Variants in SH2D3C observed in about 807,000 individuals in gnomAD.
SH2D3C encodes the protein SH2 domain containing 3C.
A neutral mutation model predicts 75.2 loss-of-function variants in SH2D3C; 25 were observed. The observed-to-expected ratio is 0.33, with a 90% CI of 0.24 to 0.46. The LOEUF is 0.46. SH2D3C is among the 20% of genes least tolerant of loss of function. The pLI, the probability that SH2D3C is intolerant of heterozygous loss-of-function variation, is 1.00. For missense variants in SH2D3C, 933 were observed against 1,165.3 expected, an observed-to-expected ratio of 0.80 and a Z score of 2.90; for synonymous variants, 450 against 473.7, an observed-to-expected ratio of 0.95 and a Z score of 0.65.
At chr9:127,742,741 C>G in intron 8 of SH2D3C, 108 bp downstream of exon 8, 2 of 730,580 alleles carry the variant, frequency 2.7e-6, no homozygotes, top group South Asian at 1.8e-5. Flanking sequence ...GTGGCCAGAG[C>G]CCCCTGGGAG....
chr9:127,776,436 T>C (rs1845811135), intron 1 of SH2D3C, among the ~76,000 whole-genome samples: 1 of 151,936 alleles, frequency 6.6e-6, no homozygotes, highest in African/African-American at 2.4e-5. Context: ...CTCCTTCCTG[T>C]CAGCTGAGCC....
rs1845146755 is a variant in SH2D3C, at chr9:127,749,848, G to A, written c.685-183C>T. Reference sequence around the variant, plus strand: ...GGATGCAATGACCCAGGTTCACAGGGGGCACCTCAGCCAGAGGCCCTGAGT... The same window carrying A: ...GGATGCAATGACCCAGGTTCACAGGAGGCACCTCAGCCAGAGGCCCTGAGT... On this transcript the variant is annotated intron_variant, in intron 4 of 11. Coordinates refer to ENST00000314830, the MANE Select transcript of SH2D3C (RefSeq NM_170600.3). The surrounding 1 kb of genome is among the most constrained non-coding windows in gnomAD (Gnocchi z 5.9). 6.6e-6 allele frequency among the ~76,000 whole-genome samples: 1 copy of A among 152,094 alleles called. No homozygotes were observed. The highest frequency in any genetic ancestry group is 1.5e-5 in the Non-Finnish European group (1 of 68,020).
At chr9:127,775,975 C>T (rs1216097794) in intron 1 of SH2D3C, among the ~76,000 whole-genome samples, 8 of 151,910 alleles carry the variant, frequency 5.3e-5, no homozygotes, top group South Asian at 2.1e-4. Context: ...ATTACAGGCA[C>T]GTGCCACCAC....
chr9:127,768,257 T>C (rs577156318), intron 2 of SH2D3C, among the ~76,000 whole-genome samples: 9 of 151,638 alleles, frequency 5.9e-5, no homozygotes, highest in Middle Eastern at 3.4e-3. Context: ...CTGGGGAGAG[T>C]TGGGAATTCT....
intron 2 of SH2D3C, 33 bp from the exon 3 acceptor site, chr9:127,761,683 G>T (rs926052787): frequency 4.4e-6 from 7 of 1,592,952 alleles, no homozygotes; most frequent in Non-Finnish European, 6.0e-6. Flanking sequence ...AGCATCCCCA[G>T]CCCTGCTTGG....
At chr9:127,740,462 GT>G in intron 9 of SH2D3C, 93 bp from the exon 10 acceptor site, 1 of 794,750 alleles carries the variant, frequency 1.3e-6, no homozygotes, top group Non-Finnish European at 2.1e-6. Flanking sequence ...ATGTGGGATC[GT>G]TATTATTATT....
At chr9:127,753,058 G>A (rs1845245992) in intron 3 of SH2D3C, among the ~76,000 whole-genome samples, 1 of 152,056 alleles carries the variant, frequency 6.6e-6, no homozygotes, top group African/African-American at 2.4e-5. Flanking sequence ...GGGAGGGAGG[G>A]GAGATGAATA....
rs141440639 is a variant in SH2D3C, at chr9:127,739,600, G to A, written c.2407+82C>T. ...GAGGAGTGGAGAAATGTGAATGGAT[G>A]CCTTGGAGAAAAGGGAAGCAGTGAG... On this transcript the variant is annotated intron_variant, in intron 11 of 11. Coordinates refer to ENST00000314830, the MANE Select transcript of SH2D3C (RefSeq NM_170600.3). This position sits in a 1 kb window ranked among gnomAD's most constrained non-coding sequence, Gnocchi z 4.3. 358 of 1,248,212 alleles carry A rather than the reference G, an allele frequency of 2.9e-4. 5 individuals are homozygous for A. The highest frequency in any genetic ancestry group is 2.8e-3 in the South Asian group (206 of 72,312). The allele number at this position is 1,248,212 out of a possible 1,614,324, so 77.3% of individuals were successfully genotyped here. A position where few individuals can be genotyped will look rare whatever the true frequency, so the allele number is the denominator to read the frequency against.
At position 127,742,887 on chromosome 9, in the gene SH2D3C, G is replaced by T. The variant is rs1288614416; in HGVS notation, c.1878C>A (p.Leu626=). 2 of 1,613,818 alleles carry T rather than the reference G, an allele frequency of 1.2e-6. No individual in the cohort carries two copies. The change falls in exon 8 of 12, where the codon CTC becomes CTA. Residue 626 remains leucine, a synonymous_variant. Transcript: ENST00000314830. Reference sequence around the variant, plus strand: ...CTAGGCGTAGCTGCCGGCCATGGGGGAGGGTGAGCAGTTCCATGCCCCAGC... The same window carrying T: ...CTAGGCGTAGCTGCCGGCCATGGGGTAGGGTGAGCAGTTCCATGCCCCAGC... The part of the protein sequence containing the change: ...GVRWGMELLT[L]PHGRQLRLDL...
At chr9:127,757,810 C>T (rs969663428) in intron 3 of SH2D3C, among the ~76,000 whole-genome samples, 2 of 151,956 alleles carry the variant, frequency 1.3e-5, no homozygotes, top group Non-Finnish European at 2.9e-5. Context: ...TGTGCCACCA[C>T]GCCTGGATAA....
chr9:127,761,987 A>T (rs1324476279), intron 2 of SH2D3C: 1 of 294,732 alleles, frequency 3.4e-6, no homozygotes, highest in Non-Finnish European at 6.4e-6. Flanking sequence ...TCTTCACTGG[A>T]CTCCAGACAC....
At chr9:127,767,723 A>G (rs1166898609) in intron 2 of SH2D3C, among the ~76,000 whole-genome samples, 1 of 152,188 alleles carries the variant, frequency 6.6e-6, no homozygotes, top group Non-Finnish European at 1.5e-5. Flanking sequence ...TGCTTGGGCC[A>G]AGCCCAGAAT....
At chr9:127,757,936 C>T (rs1845437158) in intron 3 of SH2D3C, among the ~76,000 whole-genome samples, 1 of 151,922 alleles carries the variant, frequency 6.6e-6, no homozygotes. Context: ...GCTGAGATTA[C>T]AGGCGTGAGC....
chr9:127,754,327 C>T lies in SH2D3C; in HGVS notation c.556-3027G>A, dbSNP rs1845293751. ...GACGCGCCTGGCATCTCCCAGGGGG[C>T]TCAGGGGGCAGGAGCGCGGAGACCC... On this transcript the variant is annotated intron_variant, in intron 3 of 11. Coordinates refer to ENST00000314830, the MANE Select transcript of SH2D3C (RefSeq NM_170600.3). The surrounding 1 kb of genome is among the most constrained non-coding windows in gnomAD (Gnocchi z 4.4). Among the ~76,000 whole-genome samples the T allele has an allele frequency of 6.6e-6, 1 of 152,130 alleles. No individual in the cohort carries two copies. Among genetic ancestry groups the T allele is most frequent in the Non-Finnish European group, 1.5e-5 (1 of 67,964 alleles).
intron 4 of SH2D3C, among the ~76,000 whole-genome samples, chr9:127,750,634 T>A (rs550113668): frequency 7.9e-5 from 12 of 152,234 alleles, no homozygotes; most frequent in Non-Finnish European, 1.3e-4. Flanking sequence ...AGCCACCACC[T>A]TTTCTACCTC....
At position 127,768,654 on chromosome 9, in the gene SH2D3C, G is replaced by A. The variant is rs757966803; in HGVS notation, c.515+5336C>T. On this transcript the variant is annotated intron_variant, in intron 2 of 11. Coordinates refer to ENST00000314830, the MANE Select transcript of SH2D3C (RefSeq NM_170600.3). The stretch of plus-strand genomic sequence containing the variant: ...TTTTAACAACATAAGTCACAGTGGG[G>A]CCTGCTGCTGCTCAAGGCCAGCAAT... Among the ~76,000 whole-genome samples, 144 of 152,208 alleles carry A rather than the reference G, an allele frequency of 9.5e-4. 1 individual carries two copies. Among genetic ancestry groups the A allele is most frequent in the Non-Finnish European group, 1.6e-3 (111 of 68,036 alleles).
chr9:127,774,349 G>A lies in SH2D3C; in HGVS notation c.156C>T (p.Ala52=), dbSNP rs1845779767. Reference sequence around the variant, plus strand: ...GCACCGTCACCATGTCATCCTGCGTGGCTTCAAAGGTGTCAGGCTCCAAAT... The same window carrying A: ...GCACCGTCACCATGTCATCCTGCGTAGCTTCAAAGGTGTCAGGCTCCAAAT... ...QSHLEPDTFE[A]TQDDMVTVPK... is the part of the protein sequence containing the mutation. The change falls in exon 2 of 12, where the codon GCC becomes GCT. Residue 52 remains alanine (A), a synonymous_variant. Coordinates refer to ENST00000314830, the MANE Select transcript of SH2D3C (RefSeq NM_170600.3). The surrounding 1 kb of genome is among the most constrained non-coding windows in gnomAD (Gnocchi z 4.3). The A allele has an allele frequency of 6.2e-7, 1 of 1,613,764 alleles. No homozygotes were observed.
chr9:127,753,200 T>C (rs1845250487), intron 3 of SH2D3C, among the ~76,000 whole-genome samples: 1 of 151,860 alleles, frequency 6.6e-6, no homozygotes, highest in Non-Finnish European at 1.5e-5. Flanking sequence ...AGTCCACTTA[T>C]GGAGAGCAGC....
chr9:127,748,015 G>A (rs1426851442), intron 5 of SH2D3C, among the ~76,000 whole-genome samples: 2 of 152,284 alleles, frequency 1.3e-5, no homozygotes, highest in Middle Eastern at 3.4e-3. Flanking sequence ...GAGAGGATGG[G>A]AAAGGGGGTA....
Sources: gnomAD v4.1 joint callset for allele counts (sites outside exome capture counted in the v4.1 genomes callset) on GRCh38, gnomAD v4.1.1 for gene constraint, Gnocchi (gnomAD v3.1) non-coding constraint, MANE v1.5 for transcripts, NCBI Gene and HGNC (gene_info 2026-07-23, HGNC 2026-07-21) for gene names.